Variants in SPTBN1 observed in about 807,000 individuals in gnomAD.
SPTBN1 encodes the protein spectrin beta chain, non-erythrocytic 1.
In SPTBN1, 32 loss-of-function variants were observed where a neutral mutation model predicts 266.4. The ratio of observed to expected loss-of-function variants is 0.12; its 90% confidence interval spans 0.09 to 0.16. SPTBN1 has a LOEUF of 0.16. Among genes scored for constraint, SPTBN1 ranks in the 10% least tolerant of loss-of-function variants. The pLI, the probability that SPTBN1 is intolerant of heterozygous loss-of-function variation, is 1.00. For synonymous variants in SPTBN1, 1,336 were observed against 1,162.2 expected, an observed-to-expected ratio of 1.15 and a Z score of -3.04; for missense variants, 2,296 against 3,067.1, an observed-to-expected ratio of 0.75 and a Z score of 5.94.
intron 2 of SPTBN1, among the ~76,000 whole-genome samples, chr2:54,535,613 G>A (rs1665392578): frequency 6.6e-6 from 1 of 152,212 alleles, no homozygotes; most frequent in Non-Finnish European, 1.5e-5. Context: ...ATAAGTAATA[G>A]TGGTAGATTA....
At chr2:54,612,613 C>A (rs1227038459) in intron 4 of SPTBN1, among the ~76,000 whole-genome samples, 1 of 152,180 alleles carries the variant, frequency 6.6e-6, no homozygotes, top group Non-Finnish European at 1.5e-5. Flanking sequence ...GCATCCCAGC[C>A]CGCCACTTTG....
intron 1 of SPTBN1, among the ~76,000 whole-genome samples, chr2:54,508,593 T>A (rs974591761): frequency 1.3e-5 from 2 of 152,162 alleles, no homozygotes; most frequent in Non-Finnish European, 2.9e-5. Context: ...ACGAATAGAA[T>A]GGGCCTGTGA....
chr2:54,653,988 C>G lies in SPTBN1; in HGVS notation c.5822+135C>G, dbSNP rs900393796. 10 of 1,347,128 alleles carry G rather than the reference C, an allele frequency of 7.4e-6. No homozygotes were observed. The African/African-American group carries it at 1.5e-4, about 20-fold the overall frequency. The allele number at this position is 1,347,128 out of a possible 1,614,324, so 83.4% of individuals were successfully genotyped here. On this transcript the variant is annotated intron_variant, in intron 27 of 35. Transcript: ENST00000356805. This position sits in a 1 kb window ranked among gnomAD's most constrained non-coding sequence, Gnocchi z 5.1. ...AGGCCAGAGTGGGGGTGGGGCGGTGCTTGGAGTGCGGCACCACTGCTTGCC... is the reference window on the plus strand; with the variant it reads ...AGGCCAGAGTGGGGGTGGGGCGGTGGTTGGAGTGCGGCACCACTGCTTGCC...
At chr2:54,473,744 C>T (rs1030341853) in intron 1 of SPTBN1, among the ~76,000 whole-genome samples, 4 of 152,142 alleles carry the variant, frequency 2.6e-5, no homozygotes, top group African/African-American at 9.7e-5. Context: ...ATACGATAAG[C>T]AGGCAAAAAG....
At chr2:54,512,454 G>C (rs746518799) in intron 1 of SPTBN1, among the ~76,000 whole-genome samples, 2 of 152,204 alleles carry the variant, frequency 1.3e-5, no homozygotes, top group African/African-American at 2.4e-5. Flanking sequence ...ATTTAATAAA[G>C]TGTAAATCTC....
At chr2:54,542,283 G>C (rs1671982761) in intron 2 of SPTBN1, among the ~76,000 whole-genome samples, 1 of 152,232 alleles carries the variant, frequency 6.6e-6, no homozygotes. Context: ...GCAGTGCCAT[G>C]AATGGCCTGA....
At chr2:54,660,406 G>T in intron 32 of SPTBN1, 1 of 1,100,710 alleles carries the variant, frequency 9.1e-7, no homozygotes. Context: ...AATCTAACAG[G>T]TATGACACAT....
In SPTBN1 at chr2:54,558,151, C is replaced by T. The variant is rs1442785397; in HGVS notation, c.148+31585C>T. ...AGCAGCTCTGTTTGGGAAGGCACTA[C>T]CGCGGCGAGTCCAGGGCCCGGCCGG... is the stretch of plus-strand genomic sequence containing the variant. On this transcript the variant is annotated intron_variant, in intron 2 of 35. Coordinates refer to ENST00000356805, the MANE Select transcript of SPTBN1 (RefSeq NM_003128.3). This position sits in a 1 kb window ranked among gnomAD's most constrained non-coding sequence, Gnocchi z 4.6. 1 of 985,406 alleles carries T rather than the reference C, an allele frequency of 1.0e-6. No homozygotes were observed. Among genetic ancestry groups the T allele is most frequent in the African/African-American group, 1.7e-5 (1 of 57,368 alleles). The allele number at this position is 985,406 out of a possible 1,614,324, so 61.0% of individuals were successfully genotyped here.
intron 1 of SPTBN1, among the ~76,000 whole-genome samples, chr2:54,461,855 T>C (rs1279600536): frequency 1.3e-5 from 2 of 152,254 alleles, no homozygotes; most frequent in Non-Finnish European, 2.9e-5. Flanking sequence ...TGTGTTTTTT[T>C]TCTTAACTCG....
At chr2:54,475,825 G>A (rs1326026381) in intron 1 of SPTBN1, among the ~76,000 whole-genome samples, 1 of 152,114 alleles carries the variant, frequency 6.6e-6, no homozygotes, top group Admixed American at 6.5e-5. Context: ...TAGTTTTCTT[G>A]TGTCAAAGGC....
At position 54,668,376 on chromosome 2, in the gene SPTBN1, C is replaced by T; in HGVS notation, c.6902C>T (p.Ala2301Val). The T allele has an allele frequency of 6.2e-7, 1 of 1,614,182 alleles. No individual in the cohort carries two copies. Among genetic ancestry groups the T allele is most frequent in the Non-Finnish European group, 8.5e-7 (1 of 1,180,042 alleles). Residue 2301 changes from alanine to valine, a missense_variant, in exon 36 of 36, where the codon GCT becomes GTT. Physicochemically the swap from Ala to Val is moderately conservative, Grantham distance 64. Around this residue, in one of 12 missense-constraint regions of SPTBN1, gnomAD observed 347 missense variants for 368.5 expected, o/e 0.94. Coordinates refer to ENST00000356805, the MANE Select transcript of SPTBN1 (RefSeq NM_003128.3). ...DDEEMNTWIQ[A>V]ISSAISSDKH... ...GAGGAAATGAACACATGGATCCAGGCTATCTCTTCCGCCATCTCCTCTGAT... is the reference window on the plus strand; with the variant it reads ...GAGGAAATGAACACATGGATCCAGGTTATCTCTTCCGCCATCTCCTCTGAT...
intron 32 of SPTBN1, chr2:54,660,379 A>G (rs1042389589): frequency 8.7e-7 from 1 of 1,148,546 alleles, no homozygotes; most frequent in Non-Finnish European, 1.1e-6. Context: ...TTACAGCATA[A>G]TGAAGAAGAA....
chr2:54,494,498 C>T (rs1245146986), intron 1 of SPTBN1, among the ~76,000 whole-genome samples: 3 of 152,168 alleles, frequency 2.0e-5, no homozygotes, highest in African/African-American at 7.2e-5. Flanking sequence ...CCTACATGTC[C>T]ATCATGGGTG....
chr2:54,638,315 A>G (rs1359827746), intron 18 of SPTBN1, among the ~76,000 whole-genome samples: 1 of 152,256 alleles, frequency 6.6e-6, no homozygotes, highest in Non-Finnish European at 1.5e-5. Flanking sequence ...AGCAATGTAC[A>G]TTTCAATGAT....
At chr2:54,532,425 T>C (rs1671313624) in intron 2 of SPTBN1, among the ~76,000 whole-genome samples, 1 of 152,248 alleles carries the variant, frequency 6.6e-6, no homozygotes, top group Non-Finnish European at 1.5e-5. Context: ...TGAGACACTT[T>C]ACATTTTTTA....
chr2:54,523,908 T>A (rs1573332079), intron 1 of SPTBN1, among the ~76,000 whole-genome samples: 1 of 152,300 alleles, frequency 6.6e-6, no homozygotes, highest in South Asian at 2.1e-4. Flanking sequence ...AGTTTTAAGA[T>A]GTTGATAACA....
At chr2:54,559,873 C>T (rs1310448828) in intron 2 of SPTBN1, among the ~76,000 whole-genome samples, 1 of 152,138 alleles carries the variant, frequency 6.6e-6, no homozygotes, top group Non-Finnish European at 1.5e-5. Flanking sequence ...AGGAAGGAAG[C>T]CGCTCAGCCC....
At chr2:54,584,483 A>G (rs1675153264) in intron 2 of SPTBN1, among the ~76,000 whole-genome samples, 1 of 152,180 alleles carries the variant, frequency 6.6e-6, no homozygotes, top group Admixed American at 6.5e-5. Flanking sequence ...CTCACCAACC[A>G]CATGTGAGTG....
At chr2:54,568,299 G>A (rs1209489234) in intron 2 of SPTBN1, among the ~76,000 whole-genome samples, 5 of 145,208 alleles carry the variant, frequency 3.4e-5, no homozygotes, top group African/African-American at 5.2e-5. Flanking sequence ...GCAGTGAGTC[G>A]AGATTGCACC....
Sources: gnomAD v4.1 joint callset for allele counts (sites outside exome capture counted in the v4.1 genomes callset) on GRCh38, gnomAD v4.1.1 for gene constraint, gnomAD v4.1.1 regional missense constraint, Gnocchi (gnomAD v3.1) non-coding constraint, MANE v1.5 for transcripts, NCBI Gene and HGNC (gene_info 2026-07-23, HGNC 2026-07-21) for gene names.